Variants in MSH4 observed in about 807,000 individuals in gnomAD.
MSH4 encodes the protein mutS homolog 4.
Under a neutral mutation model 113.7 loss-of-function variants are expected in MSH4, and 106 were observed. That is an observed-to-expected ratio of 0.93 (90% CI 0.80 to 1.10). MSH4 has a LOEUF of 1.10. Ranked by LOEUF, MSH4 falls within the 50% of genes least tolerant of loss-of-function variation. The pLI is 0.00. For missense variants in MSH4, 1,061 were observed against 1,093.7 expected, an observed-to-expected ratio of 0.97 and a Z score of 0.42; for synonymous variants, 368 against 380.2, an observed-to-expected ratio of 0.97 and a Z score of 0.37.
intron 4 of MSH4, among the ~76,000 whole-genome samples, chr1:75,812,482 A>G (rs539490055): frequency 6.6e-6 from 1 of 152,282 alleles, no homozygotes; most frequent in South Asian, 2.1e-4. Flanking sequence ...TCACAAGGTC[A>G]GGAGATCGAG....
chr1:75,867,987 G>C (rs1225569445), intron 9 of MSH4, among the ~76,000 whole-genome samples: 1 of 151,322 alleles, frequency 6.6e-6, no homozygotes, highest in Non-Finnish European at 1.5e-5. Context: ...CCTGATATAG[G>C]GTCCAATCCA....
intron 8 of MSH4, among the ~76,000 whole-genome samples, chr1:75,855,303 GC>G (rs1298681494): frequency 1.3e-5 from 2 of 152,284 alleles, no homozygotes; most frequent in East Asian, 3.9e-4. Context: ...CTCCTGAAGT[GC>G]TGAGTTTATG....
intron 7 of MSH4, among the ~76,000 whole-genome samples, chr1:75,845,234 C>T (rs1246219070): frequency 6.6e-6 from 1 of 152,144 alleles, no homozygotes; most frequent in Non-Finnish European, 1.5e-5. Flanking sequence ...ATGCAAAATA[C>T]ATTCATTTCA....
At chr1:75,844,684 C>A (rs558905977) in intron 7 of MSH4, among the ~76,000 whole-genome samples, 109 of 152,232 alleles carry the variant, frequency 7.2e-4, no homozygotes, top group Middle Eastern at 3.4e-3. Context: ...GGATAGTTTA[C>A]AATTTTCTAT....
chr1:75,899,614 C>T lies in MSH4; in HGVS notation c.2531-4C>T. 6.8e-7 allele frequency: 1 copy of T among 1,475,726 alleles called. No homozygotes were observed. Among genetic ancestry groups the T allele is most frequent in the Non-Finnish European group, 9.0e-7 (1 of 1,112,894 alleles). 91.4% of individuals were successfully genotyped at this position (1,475,726 alleles called of 1,614,324 possible). On this transcript the variant is annotated splice_region_variant and splice_polypyrimidine_tract_variant and intron_variant, in intron 18 of 19. Transcript: ENST00000263187. ...GAAGCCAAATTTAAAACAAATAATT[C>T]TAGGATTAAAAGCTGCAGAGGTGTC...
intron 19 of MSH4, 35 bp downstream of exon 19, chr1:75,899,741 A>T (rs528523851): frequency 2.3e-5 from 27 of 1,161,284 alleles, no homozygotes; most frequent in African/African-American, 3.2e-5. Context: ...TCTTCAAATT[A>T]AAAAAAATAC....
intron 8 of MSH4, among the ~76,000 whole-genome samples, chr1:75,854,011 G>GTATATATATATATATATATATATATATA (rs72458089): frequency 0.022 from 2,480 of 110,704 alleles, 161 homozygotes; most frequent in Non-Finnish European, 0.031. Context: ...AAGTGTGTGT[G>GTATATATATATATATATATATATATATA]TGTATATATA....
chr1:75,900,600 C>G (rs549051103), intron 19 of MSH4, among the ~76,000 whole-genome samples: 2 of 152,234 alleles, frequency 1.3e-5, no homozygotes, highest in Admixed American at 1.3e-4. Context: ...AGCAACCGCT[C>G]CCAGCTGCTT....
chr1:75,907,103 AGTTT>A lies in MSH4; in HGVS notation c.2620-5578_2620-5575del, dbSNP rs372086872. ...TTTATGTACTTACATTTAAACTTCA[AGTTT>A]GTTTGTTTGTTTGTCTTTTGCATGT... On this transcript the variant is annotated intron_variant, in intron 19 of 19. Transcript: ENST00000263187. Among the ~76,000 whole-genome samples the A allele has an allele frequency of 7.7e-3, 1,179 of 152,142 alleles. 15 individuals are homozygous for A. The highest frequency in any genetic ancestry group is 0.022 in the South Asian group (104 of 4,820).
chr1:75,912,340 G>A (rs1652804579), intron 19 of MSH4, among the ~76,000 whole-genome samples: 1 of 152,006 alleles, frequency 6.6e-6, no homozygotes, highest in African/African-American at 2.4e-5. Flanking sequence ...TTTTTAATGG[G>A]AAAGTGTTTG....
In MSH4 at chr1:75,828,157, A is replaced by G. The variant is rs545821218; in HGVS notation, c.1162+5576A>G. On this transcript the variant is annotated intron_variant, in intron 7 of 19. Coordinates refer to ENST00000263187, the MANE Select transcript of MSH4 (RefSeq NM_002440.4). Reference sequence around the variant, plus strand: ...GCTATTATTAAAAAGTCAAAAAATAACAGATGTTGGCAAGTCTGCAGAGAG... The same window carrying G: ...GCTATTATTAAAAAGTCAAAAAATAGCAGATGTTGGCAAGTCTGCAGAGAG... Among the ~76,000 whole-genome samples, 4 of 152,326 alleles carry G rather than the reference A, an allele frequency of 2.6e-5. No homozygotes were observed. In the South Asian group the frequency reaches 8.3e-4, roughly 32 times the overall value.
At chr1:75,892,372 T>TAG (rs1557527731) in intron 17 of MSH4, among the ~76,000 whole-genome samples, 1 of 125,460 alleles carries the variant, frequency 8.0e-6, no homozygotes, top group Non-Finnish European at 1.7e-5. Context: ...CGCACACACA[T>TAG]ACACACTCTC....
intron 9 of MSH4, among the ~76,000 whole-genome samples, chr1:75,869,706 G>T (rs1651670398): frequency 6.6e-6 from 1 of 152,196 alleles, no homozygotes; most frequent in Non-Finnish European, 1.5e-5. Flanking sequence ...GTGCACAGAA[G>T]TCAAGAATAG....
chr1:75,849,834 A>T (rs1473966997), intron 8 of MSH4, among the ~76,000 whole-genome samples: 4 of 152,140 alleles, frequency 2.6e-5, no homozygotes, highest in African/African-American at 9.7e-5. Context: ...TTTGGTAGGA[A>T]GGTTTTTAAC....
intron 17 of MSH4, among the ~76,000 whole-genome samples, chr1:75,896,394 C>CACACACACAA (rs571761055): frequency 1.4e-5 from 2 of 147,294 alleles, no homozygotes; most frequent in Admixed American, 6.9e-5. Flanking sequence ...CACACACACA[C>CACACACACAA]CCTATTGGTC....
rs202209828 is a variant in MSH4, at chr1:75,822,508, A to T, written c.1089A>T (p.Glu363Asp). The T allele has an allele frequency of 3.7e-5, 58 of 1,587,154 alleles. No homozygotes were observed. Among genetic ancestry groups the T allele is most frequent in the Admixed American group, 9.3e-5 (5 of 53,674 alleles). Residue 363 changes from glutamate (E) to aspartate (D), a missense_variant, in exon 7 of 20, where the codon GAA becomes GAT. Coordinates refer to ENST00000263187, the MANE Select transcript of MSH4 (RefSeq NM_002440.4). ...SNILEPLVDI[E>D]TINMRLDCVQ... ...TATTAGAGCCTCTAGTTGATATTGAAACCATTAACATGAGATTAGATTGTG... is the reference window on the plus strand; with the variant it reads ...TATTAGAGCCTCTAGTTGATATTGATACCATTAACATGAGATTAGATTGTG...
chr1:75,828,897 G>A (rs888797600), intron 7 of MSH4, among the ~76,000 whole-genome samples: 10 of 152,124 alleles, frequency 6.6e-5, no homozygotes, highest in East Asian at 1.9e-4. Context: ...CACAGAAGAC[G>A]GGTGATTTCT....
intron 7 of MSH4, among the ~76,000 whole-genome samples, chr1:75,833,450 G>A (rs1226694850): frequency 6.6e-6 from 1 of 152,088 alleles, no homozygotes. Context: ...AAGTTCACAT[G>A]GAACCAAAAA....
rs535508350 is a variant in MSH4 at position 75,810,336 on chromosome 1, C to T, written c.589-361C>T. Among the ~76,000 whole-genome samples the T allele has an allele frequency of 8.0e-4, 121 of 151,376 alleles. 2 individuals are homozygous for T. In the South Asian group the frequency reaches 8.8e-3, roughly 11 times the overall value. On this transcript the variant is annotated intron_variant, in intron 3 of 19. Transcript: ENST00000263187. Reference sequence around the variant, plus strand: ...CACTGCAACCTTTGCCCCCTGGGCTCAAACTATTCTCATGCCTCAGCCTCC... The same window carrying T: ...CACTGCAACCTTTGCCCCCTGGGCTTAAACTATTCTCATGCCTCAGCCTCC...
Sources: allele counts gnomAD v4.1 joint callset (sites outside exome capture counted in the v4.1 genomes callset), GRCh38; gene constraint gnomAD v4.1.1; transcripts MANE v1.5; gene names NCBI Gene and HGNC (gene_info 2026-07-23, HGNC 2026-07-21).